ACOX3: variants seen among roughly 807,000 people sequenced by gnomAD.
The protein encoded by ACOX3 is acyl-CoA oxidase 3, pristanoyl.
In ACOX3, 73 loss-of-function variants were observed where a neutral mutation model predicts 81.5. The ratio of observed to expected loss-of-function variants is 0.90; its 90% CI spans 0.74 to 1.09. ACOX3 has a LOEUF of 1.09. Among genes scored for constraint, ACOX3 ranks in the 50% least tolerant of loss-of-function variants. The pLI, the probability that ACOX3 is intolerant of heterozygous loss-of-function variation, is 0.00. For missense variants in ACOX3, 947 were observed against 928.0 expected, an observed-to-expected ratio of 1.02 and a Z score of -0.27; for synonymous variants, 387 against 375.1, an observed-to-expected ratio of 1.03 and a Z score of -0.37.
At chr4:8,398,616 C>T (rs889885000) in intron 8 of ACOX3, among the ~76,000 whole-genome samples, 3 of 152,198 alleles carry the variant, frequency 2.0e-5, no homozygotes, top group Non-Finnish European at 4.4e-5. Context: ...TAACGGACCA[C>T]AGGCACACGC....
rs750145915 is a variant in ACOX3, at chr4:8,399,508, G to A, written c.873+48C>T. ...GAGCACAGAGCCAGGCCCTGCAGAG[G>A]AAGGCACCTGGGAAGCACGGCACAC... On this transcript the variant is annotated intron_variant, in intron 8 of 17. Coordinates refer to ENST00000356406, the MANE Select transcript of ACOX3 (RefSeq NM_003501.3). This position sits in a 1 kb window ranked among gnomAD's most constrained non-coding sequence, Gnocchi z 4.9. 8.6e-6 allele frequency: 13 copies of A among 1,508,584 alleles called. No individual in the cohort carries two copies. In the South Asian group the frequency reaches 1.0e-4, roughly 12 times the overall value. 93.4% of individuals were successfully genotyped at this position (1,508,584 alleles called of 1,614,324 possible).
rs773512440 is a variant in ACOX3 at position 8,368,320 on chromosome 4, C to T, written c.1984-1240G>A. 3.3e-4 allele frequency among the ~76,000 whole-genome samples: 50 copies of T among 152,328 alleles called. No homozygotes were observed. Among genetic ancestry groups the T allele is most frequent in the African/African-American group, 1.1e-3 (47 of 41,588 alleles). ...GGAAGATGGGGAGAGACGCTCCTGT[C>T]TTGGAGGAAGGTTGTACAAATGAAG... On this transcript the variant is annotated intron_variant, in intron 17 of 17. Coordinates refer to ENST00000356406, the MANE Select transcript of ACOX3 (RefSeq NM_003501.3). This position sits in a 1 kb window ranked among gnomAD's most constrained non-coding sequence, Gnocchi z 5.9.
At chr4:8,373,726 G>T in intron 15 of ACOX3, 98 bp from the exon 16 acceptor site, 1 of 1,156,620 alleles carries the variant, frequency 8.6e-7, no homozygotes, top group Non-Finnish European at 1.3e-6. Context: ...CGGCCATATA[G>T]GAGGCCTGTT....
intron 1 of ACOX3, among the ~76,000 whole-genome samples, chr4:8,433,742 G>A (rs1724076660): frequency 6.6e-6 from 1 of 152,162 alleles, no homozygotes; most frequent in South Asian, 2.1e-4. Flanking sequence ...TTAGGGAATG[G>A]CAAAATCCCA....
chr4:8,373,199 A>G (rs1267138238), intron 16 of ACOX3, among the ~76,000 whole-genome samples: 2 of 152,212 alleles, frequency 1.3e-5, no homozygotes, highest in African/African-American at 4.8e-5. Flanking sequence ...GTGTGTGCAG[A>G]TCTGGAGACG....
rs986006266 is a variant in ACOX3 at position 8,368,056 on chromosome 4, G to A, written c.1984-976C>T. Among the ~76,000 whole-genome samples, 2 of 151,338 alleles carry A rather than the reference G, an allele frequency of 1.3e-5. No individual in the cohort carries two copies. The highest frequency in any genetic ancestry group is 2.4e-5 in the African/African-American group (1 of 41,214). On this transcript the variant is annotated intron_variant, in intron 17 of 17. Transcript: ENST00000356406. This position sits in a 1 kb window ranked among gnomAD's most constrained non-coding sequence, Gnocchi z 5.9. Reference sequence around the variant, plus strand: ...CTGTTTCTTAGTAACTGCAGCCACCGCAGGATGCTGCAAGGCTGCATCGAC... The same window carrying A: ...CTGTTTCTTAGTAACTGCAGCCACCACAGGATGCTGCAAGGCTGCATCGAC...
intron 14 of ACOX3, among the ~76,000 whole-genome samples, chr4:8,377,629 T>C (rs1008771551): frequency 4.6e-5 from 7 of 152,216 alleles, no homozygotes. Flanking sequence ...TGCATGATAC[T>C]GCGCTGTTCT....
intron 13 of ACOX3, among the ~76,000 whole-genome samples, chr4:8,388,723 A>C (rs1022720150): frequency 6.6e-6 from 1 of 152,092 alleles, no homozygotes; most frequent in African/African-American, 2.4e-5. Flanking sequence ...GAGGTGCGGG[A>C]GGTGCGCCAG....
rs538679584 is a variant in ACOX3 at position 8,408,595 on chromosome 4, C to T, written c.687+1617G>A. 6.6e-5 allele frequency among the ~76,000 whole-genome samples: 10 copies of T among 152,318 alleles called. No individual in the cohort carries two copies. In the South Asian group the frequency reaches 2.1e-3, roughly 32 times the overall value. On this transcript the variant is annotated intron_variant, in intron 6 of 17. Coordinates refer to ENST00000356406, the MANE Select transcript of ACOX3 (RefSeq NM_003501.3). ...GGCAACTCCCGCAAGAAGTCCACTC[C>T]AGGTAGAAATCTATAATCACAGAAA...
At chr4:8,367,152 T>C (rs748744749) in intron 17 of ACOX3, 72 bp from the exon 18 acceptor site, 10 of 1,569,282 alleles carry the variant, frequency 6.4e-6, no homozygotes, top group Non-Finnish European at 8.7e-6. Flanking sequence ...CGGCTGAGTG[T>C]GCAAATGCAA....
At chr4:8,361,425 C>CGA (rs1560158854), downstream of ACOX3, among the ~76,000 whole-genome samples, 1 of 39,034 alleles carries the variant, frequency 2.6e-5, no homozygotes, top group African/African-American at 1.2e-4. Context: ...GACTCTATCT[C>CGA]AAAAAAAAAA....
chr4:8,359,264 G>C, the ACOX3 span, among the ~76,000 whole-genome samples: 4 of 152,160 alleles, frequency 2.6e-5, no homozygotes, highest in African/African-American at 9.7e-5. This position sits in a 1 kb window ranked among gnomAD's most constrained non-coding sequence, Gnocchi z 6.0. Context: ...GGCCGACTTT[G>C]AATAAGTGGT....
chr4:8,399,263 C>T lies in ACOX3; in HGVS notation c.873+293G>A, dbSNP rs955567815. Among the ~76,000 whole-genome samples, 1 of 152,196 alleles carries T rather than the reference C, an allele frequency of 6.6e-6. No individual in the cohort carries two copies. The highest frequency in any genetic ancestry group is 1.5e-5 in the Non-Finnish European group (1 of 68,034). On this transcript the variant is annotated intron_variant, in intron 8 of 17. Transcript: ENST00000356406. The surrounding 1 kb of genome is among the most constrained non-coding windows in gnomAD (Gnocchi z 4.9). ...CCAGGAGACCCGTCTCCTTCAAATC[C>T]TCAGGGAAGCATCACTGGAAGCGAG...
At chr4:8,404,934 G>A (rs936919277) in intron 7 of ACOX3, among the ~76,000 whole-genome samples, 1 of 152,142 alleles carries the variant, frequency 6.6e-6, no homozygotes, top group Non-Finnish European at 1.5e-5. Context: ...GCTCTCGGGG[G>A]AGACAGCGTG....
chr4:8,388,158 GC>G (rs150985684), intron 13 of ACOX3, among the ~76,000 whole-genome samples: 4,129 of 152,298 alleles, frequency 0.027, 69 homozygotes, highest in South Asian at 0.04. Flanking sequence ...CCCCATGGCT[GC>G]CCCCGCCTTT....
At position 8,370,415 on chromosome 4, in the gene ACOX3, G is replaced by A. The variant is rs1041022062; in HGVS notation, c.1983+493C>T. ...CATGGGGGGCAGGAGGAGAGCTGAG[G>A]AGCCACAGGGAGGCGGTTGGGGGAA... On this transcript the variant is annotated intron_variant, in intron 17 of 17. Coordinates refer to ENST00000356406, the MANE Select transcript of ACOX3 (RefSeq NM_003501.3). The surrounding 1 kb of genome is among the most constrained non-coding windows in gnomAD (Gnocchi z 6.3). Among the ~76,000 whole-genome samples, 1 of 152,060 alleles carries A rather than the reference G, an allele frequency of 6.6e-6. No individual in the cohort carries two copies. Among genetic ancestry groups the A allele is most frequent in the African/African-American group, 2.4e-5 (1 of 41,418 alleles).
the ACOX3 span, among the ~76,000 whole-genome samples, chr4:8,359,285 G>A: frequency 6.6e-6 from 1 of 152,164 alleles, no homozygotes; most frequent in African/African-American, 2.4e-5. This position sits in a 1 kb window ranked among gnomAD's most constrained non-coding sequence, Gnocchi z 6.0. Context: ...GGGGTACCTG[G>A]GTAAAGGATG....
At chr4:8,428,586 C>A (rs1429098399) in intron 1 of ACOX3, 2 of 152,438 alleles carry the variant, frequency 1.3e-5, no homozygotes, top group African/African-American at 4.8e-5. Flanking sequence ...GGCTGGAAGC[C>A]ACGAAGCTTC....
At position 8,396,964 on chromosome 4, in the gene ACOX3, T is replaced by C; in HGVS notation, c.1029A>G (p.Glu343=). 1 of 1,611,884 alleles carries C rather than the reference T, an allele frequency of 6.2e-7. No individual in the cohort carries two copies. The highest frequency in any genetic ancestry group is 8.5e-7 in the Non-Finnish European group (1 of 1,179,302). ...GCATTGGATACTCAAGCACTGGTATTTCCTCCTCCTCTGTGGGTCCAAACT... is the reference window on the plus strand; with the variant it reads ...GCATTGGATACTCAAGCACTGGTATCTCCTCCTCCTCTGTGGGTCCAAACT... ...RRQFGPTEEE[E]IPVLEYPMQQ... The change falls in exon 9 of 18, where the codon GAA becomes GAG. Residue 343 remains glutamate, a synonymous_variant. Coordinates refer to ENST00000356406, the MANE Select transcript of ACOX3 (RefSeq NM_003501.3).
Sources: gnomAD v4.1 joint callset for allele counts (sites outside exome capture counted in the v4.1 genomes callset) on GRCh38, gnomAD v4.1.1 for gene constraint, Gnocchi (gnomAD v3.1) non-coding constraint, MANE v1.5 for transcripts, NCBI Gene and HGNC (gene_info 2026-07-23, HGNC 2026-07-21) for gene names.